The following SEL1L2 variants were observed in gnomAD, a reference collection of about 807,000 sequenced individuals.
SEL1L2 encodes the protein SEL1L2 adaptor subunit of SYVN1 ubiquitin ligase, also known as protein sel-1 homolog 2.
A neutral mutation model predicts 98.8 loss-of-function variants in SEL1L2; 89 were observed. The observed-to-expected ratio is 0.90, with a 90% CI of 0.76 to 1.07. The LOEUF (loss-of-function observed/expected upper bound fraction) is 1.07. SEL1L2 is among the 50% of genes least tolerant of loss of function. The pLI is 0.00. For synonymous variants in SEL1L2, 262 were observed against 278.5 expected (o/e 0.94, Z 0.59); for missense variants, 788 against 812.0 (o/e 0.97, Z 0.36).
At chr20:13,970,793 T>C (rs1444092444) in intron 1 of SEL1L2, among the ~76,000 whole-genome samples, 4 of 151,846 alleles carry the variant, frequency 2.6e-5, no homozygotes, top group South Asian at 2.1e-4. Flanking sequence ...GGTTGTGCCA[T>C]TGCACTCCAG....
intron 1 of SEL1L2, among the ~76,000 whole-genome samples, chr20:13,985,742 C>T (rs953869902): frequency 1.4e-4 from 22 of 152,102 alleles, no homozygotes; most frequent in African/African-American, 5.3e-4. Context: ...TGCAAACATC[C>T]CACAATCACA....
At chr20:13,879,030 C>A (rs1252175403) in intron 10 of SEL1L2, among the ~76,000 whole-genome samples, 1 of 152,188 alleles carries the variant, frequency 6.6e-6, no homozygotes, top group East Asian at 1.9e-4. Flanking sequence ...TTATTAATAT[C>A]TGATCTTATT....
At chr20:13,869,167 T>C (rs1300543620) in intron 14 of SEL1L2, among the ~76,000 whole-genome samples, 1 of 152,098 alleles carries the variant, frequency 6.6e-6, no homozygotes, top group Non-Finnish European at 1.5e-5. Flanking sequence ...CCTCAACTAC[T>C]CTTAACTAAT....
At chr20:13,889,684 G>A (rs752955142) in intron 5 of SEL1L2, among the ~76,000 whole-genome samples, 11 of 152,050 alleles carry the variant, frequency 7.2e-5, no homozygotes, top group Non-Finnish European at 1.6e-4. Flanking sequence ...CCAGCTGCTC[G>A]GGAGGCTGAG....
chr20:13,979,637 G>T (rs2051713561), intron 1 of SEL1L2, among the ~76,000 whole-genome samples: 1 of 152,072 alleles, frequency 6.6e-6, no homozygotes, highest in Non-Finnish European at 1.5e-5. Context: ...TCTGTGTTGG[G>T]CTACATATTG....
At chr20:13,913,011 C>T (rs567042045) in intron 5 of SEL1L2, among the ~76,000 whole-genome samples, 1 of 152,198 alleles carries the variant, frequency 6.6e-6, no homozygotes, top group East Asian at 1.9e-4. Context: ...GTAGCTTATT[C>T]AAAAAACAAA....
At chr20:13,977,126 C>T (rs1948386119) in intron 1 of SEL1L2, among the ~76,000 whole-genome samples, 1 of 152,150 alleles carries the variant, frequency 6.6e-6, no homozygotes, top group Non-Finnish European at 1.5e-5. Flanking sequence ...AAGGAATCTG[C>T]ATACATTGTT....
intron 2 of SEL1L2, among the ~76,000 whole-genome samples, chr20:13,952,091 C>A (rs2050303982): frequency 6.6e-6 from 1 of 152,166 alleles, no homozygotes; most frequent in Admixed American, 6.5e-5. Context: ...ACTATAGCCA[C>A]CAGTTATTTG....
At chr20:13,917,662 G>A (rs749084032) in intron 4 of SEL1L2, among the ~76,000 whole-genome samples, 1 of 151,924 alleles carries the variant, frequency 6.6e-6, no homozygotes, top group Non-Finnish European at 1.5e-5. Flanking sequence ...TTGCTGCCCT[G>A]TCTGGTGCTA....
Position 13,961,776 on chromosome 20 carries a change from T to C in SEL1L2, c.59-5645A>G, listed in dbSNP as rs144286548. Among the ~76,000 whole-genome samples, 58 of 152,196 alleles carry C rather than the reference T, an allele frequency of 3.8e-4. No homozygotes were observed. In the Middle Eastern group the frequency reaches 0.014, roughly 36 times the overall value. The stretch of plus-strand genomic sequence containing the variant: ...ATATTAAGGAACCACTTCCGGAGGG[T>C]AGAACTGGGCCCTAATTAATAAACA... On this transcript the variant is annotated intron_variant, in intron 1 of 19. Transcript: ENST00000284951.
chr20:13,981,461 CA>C (rs1423077953), intron 1 of SEL1L2, among the ~76,000 whole-genome samples: 1 of 152,040 alleles, frequency 6.6e-6, no homozygotes, highest in East Asian at 1.9e-4. Flanking sequence ...GTTCTCACCA[CA>C]AAAAATGGTA....
chr20:13,980,502 C>T (rs889450045), intron 1 of SEL1L2, among the ~76,000 whole-genome samples: 1 of 152,150 alleles, frequency 6.6e-6, no homozygotes, highest in Non-Finnish European at 1.5e-5. Context: ...GACACCACAC[C>T]TGGCCAGAGA....
intron 1 of SEL1L2, among the ~76,000 whole-genome samples, chr20:13,974,325 G>A (rs1398515579): frequency 6.6e-6 from 1 of 152,086 alleles, no homozygotes; most frequent in Admixed American, 6.6e-5. Context: ...CAGTGGGAGG[G>A]TTGGTCCAAC....
At position 13,859,338 on chromosome 20, in the gene SEL1L2, G is replaced by A; in HGVS notation, c.1742C>T (p.Ala581Val). The change falls in exon 18 of 20, where the codon GCA (alanine) becomes GTA (valine). Residue 581 changes from alanine to valine, a missense_variant. Ala to Val is a moderately conservative substitution (Grantham distance 64). Transcript: ENST00000284951. ...TTGCGCGTTGTGGTATTTGTTGGCT[G>A]CAATGCTGTAGTGTGTGGCTGCTGT... ...YQTAATHYSI[A>V]ANKYHNAQAM... 1 of 1,614,108 alleles carries A rather than the reference G, an allele frequency of 6.2e-7. No homozygotes were observed. The highest frequency in any genetic ancestry group is 8.5e-7 in the Non-Finnish European group (1 of 1,179,960).
intron 1 of SEL1L2, among the ~76,000 whole-genome samples, chr20:13,965,369 C>A (rs2050994010): frequency 6.6e-6 from 1 of 152,076 alleles, no homozygotes; most frequent in South Asian, 2.1e-4. Flanking sequence ...AGTGTGCAGA[C>A]AGTAAGTACC....
chr20:13,958,306 C>T (rs937840860), intron 1 of SEL1L2, among the ~76,000 whole-genome samples: 3 of 151,944 alleles, frequency 2.0e-5, no homozygotes, highest in Non-Finnish European at 4.4e-5. Flanking sequence ...ATTTAAGATG[C>T]CTTGAGGATA....
At chr20:13,923,504 CA>C (rs1175159469) in intron 3 of SEL1L2, among the ~76,000 whole-genome samples, 1 of 152,170 alleles carries the variant, frequency 6.6e-6, no homozygotes, top group African/African-American at 2.4e-5. Flanking sequence ...TGCAGTAGCT[CA>C]CACCTGTAAT....
chr20:13,983,073 A>G (rs1255762630), intron 1 of SEL1L2, among the ~76,000 whole-genome samples: 1 of 139,320 alleles, frequency 7.2e-6, no homozygotes, highest in Non-Finnish European at 1.6e-5. Flanking sequence ...GATAGAGTGA[A>G]GAGAGAAAAA....
intron 3 of SEL1L2, among the ~76,000 whole-genome samples, chr20:13,925,030 T>G (rs1031474924): frequency 1.8e-4 from 27 of 151,968 alleles, no homozygotes; most frequent in African/African-American, 6.0e-4. Flanking sequence ...TCCCAGCTAC[T>G]AGGGAGGCTG....
Sources: allele counts gnomAD v4.1 joint callset (sites outside exome capture counted in the v4.1 genomes callset), GRCh38; gene constraint gnomAD v4.1.1; transcripts MANE v1.5; gene names NCBI Gene and HGNC (gene_info 2026-07-23, HGNC 2026-07-21).